Variants in LIPC observed in about 807,000 individuals in gnomAD.
LIPC encodes the protein lipase C, hepatic type.
Under a neutral mutation model 50.7 loss-of-function variants are expected in LIPC, and 44 were observed. The ratio of observed to expected loss-of-function variants is 0.87; its 90% CI spans 0.68 to 1.11. The LOEUF is 1.11. LIPC is among the 50% of genes most tolerant of loss of function. The probability of loss-of-function intolerance (pLI) is 0.00; values close to 1 mark genes in which losing one functional copy is unlikely to be tolerated. For synonymous variants in LIPC, 271 were observed against 256.4 expected (o/e 1.06, Z -0.54); for missense variants, 697 against 648.2 (o/e 1.08, Z -0.82).
chr15:58,502,203 G>A (rs549021806), intron 1 of LIPC, among the ~76,000 whole-genome samples: 10 of 152,190 alleles, frequency 6.6e-5, no homozygotes, highest in South Asian at 4.1e-4. Flanking sequence ...CTTCTCTGCC[G>A]TTCCCCAGAT....
intron 1 of LIPC, among the ~76,000 whole-genome samples, chr15:58,457,073 G>A (rs1282993506): frequency 1.3e-5 from 2 of 152,306 alleles, no homozygotes; most frequent in African/African-American, 2.4e-5. Context: ...AGCACTGGGC[G>A]ATGTGGGCTG....
chr15:58,552,914 G>A (rs1329489741), intron 6 of LIPC, among the ~76,000 whole-genome samples: 1 of 152,180 alleles, frequency 6.6e-6, no homozygotes, highest in Non-Finnish European at 1.5e-5. Context: ...CCACTAGCAC[G>A]GGACCTGCAG....
chr15:58,545,999 G>A (rs1355111072), intron 5 of LIPC, 24 bp downstream of exon 5: 2 of 1,549,056 alleles, frequency 1.3e-6, no homozygotes, highest in South Asian at 2.2e-5. Context: ...CATGGGCCGG[G>A]AGCACCGGCC....
intron 1 of LIPC, among the ~76,000 whole-genome samples, chr15:58,494,473 A>G (rs1420101905): frequency 6.6e-6 from 1 of 152,208 alleles, no homozygotes; most frequent in Non-Finnish European, 1.5e-5. Flanking sequence ...ACTTACAGAA[A>G]ATGAGAATAA....
At chr15:58,493,440 A>C (rs1481811067) in intron 1 of LIPC, among the ~76,000 whole-genome samples, 2 of 151,996 alleles carry the variant, frequency 1.3e-5, no homozygotes, top group African/African-American at 4.8e-5. Context: ...CTCACTATGC[A>C]CACATTAGAT....
At chr15:58,445,998 T>C (rs921533670) in intron 1 of LIPC, among the ~76,000 whole-genome samples, 2 of 152,212 alleles carry the variant, frequency 1.3e-5, no homozygotes, top group African/African-American at 4.8e-5. Flanking sequence ...AAGGATACAA[T>C]GAATTTCCAT....
Position 58,469,978 on chromosome 15 carries a change from A to G in LIPC, c.88+37858A>G, listed in dbSNP as rs74850306. ...GACAAGGTCTCCCTTTATCACCCAA[A>G]CTGGAGTGCAGTGGTGCAATCATGC... On this transcript the variant is annotated intron_variant, in intron 1 of 8. Coordinates refer to ENST00000299022, the MANE Select transcript of LIPC (RefSeq NM_000236.3). Among the ~76,000 whole-genome samples the G allele has an allele frequency of 9.5e-3, 1,421 of 149,930 alleles. 13 individuals carry two copies. Among genetic ancestry groups the G allele is most frequent in the Middle Eastern group, 0.017 (5 of 286 alleles).
At chr15:58,534,186 G>A (rs1011988842) in intron 1 of LIPC, among the ~76,000 whole-genome samples, 6 of 152,224 alleles carry the variant, frequency 3.9e-5, no homozygotes, top group Non-Finnish European at 5.9e-5. Context: ...GCCTTGCTGA[G>A]TCTGTAGTGC....
At chr15:58,434,434 G>A (rs1204063208) in intron 1 of LIPC, among the ~76,000 whole-genome samples, 1 of 152,158 alleles carries the variant, frequency 6.6e-6, no homozygotes, top group South Asian at 2.1e-4. Context: ...CTCACCATAT[G>A]GTTGAGTAAG....
At chr15:58,474,378 C>G (rs1890910512) in intron 1 of LIPC, among the ~76,000 whole-genome samples, 1 of 152,044 alleles carries the variant, frequency 6.6e-6, no homozygotes, top group Non-Finnish European at 1.5e-5. Context: ...TTTAGCTGGG[C>G]TTGATGGTCC....
chr15:58,483,688 C>T (rs1430174009), intron 1 of LIPC, among the ~76,000 whole-genome samples: 1 of 151,230 alleles, frequency 6.6e-6, no homozygotes, highest in African/African-American at 2.4e-5. Flanking sequence ...GTCTCCAAGA[C>T]CATGCCCGTT....
chr15:58,507,049 G>C (rs1892175494), intron 1 of LIPC, among the ~76,000 whole-genome samples: 1 of 152,270 alleles, frequency 6.6e-6, no homozygotes, highest in Non-Finnish European at 1.5e-5. Flanking sequence ...ACAAGAACAA[G>C]CTGGGGGAAA....
chr15:58,443,363 G>A (rs1893570688), intron 1 of LIPC, among the ~76,000 whole-genome samples: 1 of 152,172 alleles, frequency 6.6e-6, no homozygotes, highest in Non-Finnish European at 1.5e-5. Context: ...ACCTCTGGAT[G>A]AAGCCCTGGA....
intron 1 of LIPC, among the ~76,000 whole-genome samples, chr15:58,510,736 G>GT (rs546505315): frequency 6.6e-6 from 1 of 152,126 alleles, no homozygotes; most frequent in African/African-American, 2.4e-5. Context: ...TTTTTTCCTT[G>GT]TTAGTGGTAT....
intron 1 of LIPC, among the ~76,000 whole-genome samples, chr15:58,526,597 G>A (rs1468600125): frequency 2.0e-5 from 3 of 152,238 alleles, no homozygotes; most frequent in African/African-American, 7.2e-5. Context: ...AAGCTACACA[G>A]CTAAGGCAGT....
At chr15:58,523,881 G>C (rs1412367089) in intron 1 of LIPC, among the ~76,000 whole-genome samples, 2 of 151,734 alleles carry the variant, frequency 1.3e-5, no homozygotes, top group Non-Finnish European at 2.9e-5. Flanking sequence ...GCTGCAGTGA[G>C]CTACGATCAC....
At chr15:58,546,371 C>T (rs1301437830) in intron 5 of LIPC, among the ~76,000 whole-genome samples, 1 of 152,200 alleles carries the variant, frequency 6.6e-6, no homozygotes, top group African/African-American at 2.4e-5. Flanking sequence ...TATTCTGAAC[C>T]ACATGAGGAT....
intron 1 of LIPC, among the ~76,000 whole-genome samples, chr15:58,486,975 C>G (rs527472268): frequency 6.6e-6 from 1 of 152,094 alleles, no homozygotes; most frequent in Non-Finnish European, 1.5e-5. Context: ...GGGTGTGAGG[C>G]GGGACAACGG....
At chr15:58,494,842 A>G (rs1336591511) in intron 1 of LIPC, 2 of 456,068 alleles carry the variant, frequency 4.4e-6, no homozygotes, top group Non-Finnish European at 8.8e-6. Flanking sequence ...CTTCATCTGA[A>G]TGTCCTCCCT....
Sources: gnomAD v4.1 joint callset for allele counts (sites outside exome capture counted in the v4.1 genomes callset) on GRCh38, gnomAD v4.1.1 for gene constraint, MANE v1.5 for transcripts, NCBI Gene and HGNC (gene_info 2026-07-23, HGNC 2026-07-21) for gene names.